SLC13A3: variants seen among roughly 807,000 people sequenced by gnomAD.
SLC13A3 encodes the protein Na(+)/dicarboxylate cotransporter 3.
Under a neutral mutation model 59.0 loss-of-function variants are expected in SLC13A3, and 40 were observed. The observed-to-expected ratio is 0.68, with a 90% confidence interval of 0.53 to 0.88. SLC13A3 has a LOEUF of 0.88. Ranked by LOEUF, SLC13A3 falls within the 40% of genes least tolerant of loss-of-function variation. The pLI is 0.00. For missense variants in SLC13A3, 699 were observed against 783.2 expected, an observed-to-expected ratio of 0.89 and a Z score of 1.28; for synonymous variants, 317 against 330.3, an observed-to-expected ratio of 0.96 and a Z score of 0.44.
chr20:46,612,022 C>T (rs2062499958), intron 2 of SLC13A3, among the ~76,000 whole-genome samples: 1 of 151,618 alleles, frequency 6.6e-6, no homozygotes, highest in South Asian at 2.1e-4. Context: ...ATGAGCAGTG[C>T]CTGAGGCTCT....
upstream of SLC13A3, among the ~76,000 whole-genome samples, chr20:46,653,776 T>C (rs777003148): frequency 2.0e-5 from 3 of 152,216 alleles, no homozygotes; most frequent in Non-Finnish European, 2.9e-5. Flanking sequence ...TGTGTCATAA[T>C]TCCTTTTTAA....
intron 1 of SLC13A3, among the ~76,000 whole-genome samples, chr20:46,641,570 C>T (rs1021501672): frequency 2.6e-5 from 4 of 152,130 alleles, no homozygotes; most frequent in African/African-American, 7.2e-5. Flanking sequence ...TGACCAGAAG[C>T]ACCCAGCTGT....
chr20:46,636,342 T>C (rs1360565734), intron 1 of SLC13A3, among the ~76,000 whole-genome samples: 2 of 152,252 alleles, frequency 1.3e-5, no homozygotes, highest in Admixed American at 1.3e-4. Flanking sequence ...TCACTGTGAC[T>C]GTCTGCCATG....
In SLC13A3 at chr20:46,557,898, C is replaced by G; in HGVS notation, c.*2124G>C. On this transcript the variant is annotated 3_prime_UTR_variant, in exon 13 of 13. Coordinates refer to ENST00000279027, the MANE Select transcript of SLC13A3 (RefSeq NM_022829.6). Reference sequence around the variant, plus strand: ...ACAAAGTAATGAACAAAACAGACCCCAGATCAGAGGAAGAGATGGCTTTCT... The same window carrying G: ...ACAAAGTAATGAACAAAACAGACCCGAGATCAGAGGAAGAGATGGCTTTCT... 1 of 152,122 alleles carries G rather than the reference C, an allele frequency of 6.6e-6. No individual in the cohort carries two copies. Among genetic ancestry groups the G allele is most frequent in the East Asian group, 1.9e-4 (1 of 5,190 alleles). The allele number at this position is 152,122 out of a possible 1,614,324, so 9.4% of individuals were successfully genotyped here.
At chr20:46,681,113 G>A (rs565156943) in intron 1 of SLC13A3, among the ~76,000 whole-genome samples, 16 of 152,366 alleles carry the variant, frequency 1.1e-4, no homozygotes, top group Non-Finnish European at 1.9e-4. Context: ...CTCCCAGGCC[G>A]CGGCTGGACC....
At chr20:46,631,298 C>A (rs1328639390) in intron 1 of SLC13A3, among the ~76,000 whole-genome samples, 1 of 152,182 alleles carries the variant, frequency 6.6e-6, no homozygotes, top group Non-Finnish European at 1.5e-5. Flanking sequence ...GGGTCAATGT[C>A]CACAGTGCTG....
At chr20:46,595,719 A>G (rs1033289429) in intron 5 of SLC13A3, among the ~76,000 whole-genome samples, 4 of 152,050 alleles carry the variant, frequency 2.6e-5, no homozygotes, top group Non-Finnish European at 5.9e-5. Context: ...CTCCCCAGGA[A>G]CAGCTCCACC....
At chr20:46,624,578 T>C (rs1194651408) in intron 1 of SLC13A3, among the ~76,000 whole-genome samples, 1 of 152,200 alleles carries the variant, frequency 6.6e-6, no homozygotes, top group Non-Finnish European at 1.5e-5. Context: ...AGACAAGCTA[T>C]TCCCAAATAT....
intron 1 of SLC13A3, among the ~76,000 whole-genome samples, chr20:46,649,603 T>A (rs561902436): frequency 6.6e-5 from 10 of 152,276 alleles, no homozygotes; most frequent in African/African-American, 2.4e-4. Context: ...CCAAAGATGT[T>A]TCACAAAGCC....
upstream of SLC13A3, among the ~76,000 whole-genome samples, chr20:46,653,034 T>C (rs188451937): frequency 4.7e-3 from 718 of 152,324 alleles, 18 homozygotes; most frequent in South Asian, 0.05. Context: ...ACATGCTAAT[T>C]TGCCATCTCT....
intron 1 of SLC13A3, among the ~76,000 whole-genome samples, chr20:46,657,329 C>T (rs2122903997): frequency 6.6e-6 from 1 of 151,148 alleles, no homozygotes; most frequent in African/African-American, 2.4e-5. Flanking sequence ...GCCGAGATCG[C>T]ACCACTGCAT....
At chr20:46,585,635 A>G (rs7346295) in intron 8 of SLC13A3, 2 of 1,271,358 alleles carry the variant, frequency 1.6e-6, no homozygotes, top group Middle Eastern at 2.2e-4. Flanking sequence ...GTTCTCAGAT[A>G]GGCATTGTTT....
chr20:46,583,225 G>A (rs2062156448), intron 9 of SLC13A3: 4 of 545,178 alleles, frequency 7.3e-6, no homozygotes, highest in Non-Finnish European at 9.5e-6. Context: ...TTTGATACAT[G>A]GACACTGAAA....
In SLC13A3 at chr20:46,613,354, G is replaced by A. The variant is rs1306889344; in HGVS notation, c.377+106C>T. 3.3e-6 allele frequency: 3 copies of A among 912,448 alleles called. No individual in the cohort carries two copies. The Admixed American group carries it at 9.5e-5, about 29-fold the overall frequency. 56.5% of individuals were successfully genotyped at this position (912,448 alleles called of 1,614,324 possible). A position where few individuals can be genotyped will look rare whatever the true frequency, so the allele number is the denominator to read the frequency against. On this transcript the variant is annotated intron_variant, in intron 2 of 12. Coordinates refer to ENST00000279027, the MANE Select transcript of SLC13A3 (RefSeq NM_022829.6). Reference sequence around the variant, plus strand: ...AAATAAATAAATGGTGGGAACCGATGAGTTTCTTGGCCTGGACGAGTAAAT... The same window carrying A: ...AAATAAATAAATGGTGGGAACCGATAAGTTTCTTGGCCTGGACGAGTAAAT...
intron 1 of SLC13A3, among the ~76,000 whole-genome samples, chr20:46,641,172 C>T (rs1286766434): frequency 6.6e-6 from 1 of 152,110 alleles, no homozygotes; most frequent in Non-Finnish European, 1.5e-5. Context: ...GGCTGGAAAC[C>T]CTGATTCCTG....
intron 1 of SLC13A3, among the ~76,000 whole-genome samples, chr20:46,647,111 G>T (rs1430690886): frequency 1.3e-5 from 2 of 152,104 alleles, no homozygotes; most frequent in Admixed American, 6.5e-5. Flanking sequence ...GGTGGATCCA[G>T]CTGTGCACCA....
chr20:46,606,439 G>C (rs2062438115), intron 3 of SLC13A3, among the ~76,000 whole-genome samples: 2 of 152,236 alleles, frequency 1.3e-5, no homozygotes, highest in Admixed American at 1.3e-4. Context: ...AAAGACCCTT[G>C]TGTTGTGAAG....
chr20:46,630,885 C>G (rs1437037275), intron 1 of SLC13A3, among the ~76,000 whole-genome samples: 6 of 152,150 alleles, frequency 3.9e-5, no homozygotes, highest in Non-Finnish European at 8.8e-5. Context: ...CTTCAGTTTC[C>G]TTGTGTGCTG....
chr20:46,642,079 C>G (rs1341122214), intron 1 of SLC13A3, among the ~76,000 whole-genome samples: 5 of 152,264 alleles, frequency 3.3e-5, no homozygotes, highest in Non-Finnish European at 7.3e-5. Flanking sequence ...CTTATTCCCT[C>G]TGCCTCCCGA....
Sources: gnomAD v4.1 joint callset for allele counts (sites outside exome capture counted in the v4.1 genomes callset) on GRCh38, gnomAD v4.1.1 for gene constraint, MANE v1.5 for transcripts, NCBI Gene and HGNC (gene_info 2026-07-23, HGNC 2026-07-21) for gene names.